EYS: variants seen among roughly 807,000 people sequenced by gnomAD.
EYS encodes protein eyes shut homolog.
In EYS, 250 loss-of-function variants were observed where a neutral mutation model predicts 282.1. The ratio of observed to expected loss-of-function variants is 0.89; its 90% confidence interval spans 0.80 to 0.98. The LOEUF is 0.98. Among genes scored for constraint, EYS ranks in the 50% least tolerant of loss-of-function variants. EYS has a pLI of 0.00. For synonymous variants in EYS, 1,355 were observed against 1,282.9 expected (o/e 1.06, Z -1.20); for missense variants, 4,016 against 3,709.0 (o/e 1.08, Z -2.15).
intron 28 of EYS, among the ~76,000 whole-genome samples, chr6:64,389,818 C>T (rs973608327): frequency 8.5e-5 from 13 of 152,108 alleles, no homozygotes; most frequent in Non-Finnish European, 1.2e-4. Context: ...CCAGCGTGAG[C>T]GACGCAGAAG....
intron 29 of EYS, among the ~76,000 whole-genome samples, chr6:64,342,234 A>G (rs111874213): frequency 6.6e-6 from 1 of 151,524 alleles, no homozygotes; most frequent in Non-Finnish European, 1.5e-5. Context: ...TGTTTTAAAA[A>G]TATAGTAATT....
chr6:64,177,077 AATT>A (rs1764659397), intron 31 of EYS, among the ~76,000 whole-genome samples: 1 of 151,684 alleles, frequency 6.6e-6, no homozygotes, highest in South Asian at 2.1e-4. Context: ...ATTTACTATA[AATT>A]ATTCATAATT....
chr6:64,844,094 C>G (rs1406791439), intron 19 of EYS, among the ~76,000 whole-genome samples: 1 of 152,046 alleles, frequency 6.6e-6, no homozygotes, highest in Non-Finnish European at 1.5e-5. Flanking sequence ...GAGGCCTTCC[C>G]AACCATGTGG....
chr6:64,119,857 C>T lies in EYS; in HGVS notation c.6425-37855G>A, dbSNP rs1055902956. Among the ~76,000 whole-genome samples, 8 of 152,148 alleles carry T rather than the reference C, an allele frequency of 5.3e-5. No individual in the cohort carries two copies. In the South Asian group the frequency reaches 8.3e-4, roughly 16 times the overall value. On this transcript the variant is annotated intron_variant, in intron 31 of 42. Coordinates refer to ENST00000503581, the MANE Select transcript of EYS (RefSeq NM_001142800.2). ...TTAAAGTGCACCTTATTTTCCATGGCATTTTCTTAGCCCTACTTTTTGGAT... is the reference window on the plus strand; with the variant it reads ...TTAAAGTGCACCTTATTTTCCATGGTATTTTCTTAGCCCTACTTTTTGGAT...
At chr6:64,305,779 A>T (rs1218460012) in intron 30 of EYS, among the ~76,000 whole-genome samples, 1 of 152,226 alleles carries the variant, frequency 6.6e-6, no homozygotes, top group African/African-American at 2.4e-5. Context: ...AGCTTTTAGT[A>T]GAAAACATAG....
intron 16 of EYS, among the ~76,000 whole-genome samples, chr6:64,907,843 A>T (rs141233910): frequency 9.2e-5 from 14 of 152,278 alleles, no homozygotes; most frequent in South Asian, 4.1e-4. Flanking sequence ...TAAAATAAAA[A>T]AAAAAGTCTG....
At chr6:65,253,675 G>T (rs1407939421) in intron 12 of EYS, among the ~76,000 whole-genome samples, 1 of 151,704 alleles carries the variant, frequency 6.6e-6, no homozygotes, top group African/African-American at 2.4e-5. Context: ...ATTCAGAAAG[G>T]TCTTCAAAAT....
At position 64,194,041 on chromosome 6, in the gene EYS, G is replaced by T. The variant is rs115586098; in HGVS notation, c.6424+36551C>A. On this transcript the variant is annotated intron_variant, in intron 31 of 42. Coordinates refer to ENST00000503581, the MANE Select transcript of EYS (RefSeq NM_001142800.2). ...AGTAATGGGATGGCTGGGTCAAATG[G>T]TATGGTATTTTTAGTAGAGACGGGG... Among the ~76,000 whole-genome samples, 385 of 152,062 alleles carry T rather than the reference G, an allele frequency of 2.5e-3. 1 individual carries two copies. Among genetic ancestry groups the T allele is most frequent in the African/African-American group, 8.8e-3 (367 of 41,472 alleles).
chr6:64,146,783 T>C (rs1249702373), intron 31 of EYS, among the ~76,000 whole-genome samples: 1 of 152,090 alleles, frequency 6.6e-6, no homozygotes, highest in African/African-American at 2.4e-5. Flanking sequence ...TAGAGAAACA[T>C]CTTTGAGGTG....
intron 24 of EYS, among the ~76,000 whole-genome samples, chr6:64,596,354 G>C (rs1766588106): frequency 6.6e-6 from 1 of 152,078 alleles, no homozygotes; most frequent in Non-Finnish European, 1.5e-5. Context: ...CAGAGAGATA[G>C]GAAAAACAAT....
intron 22 of EYS, among the ~76,000 whole-genome samples, chr6:64,724,132 G>A (rs1358538923): frequency 6.6e-6 from 1 of 152,028 alleles, no homozygotes; most frequent in South Asian, 2.1e-4. Flanking sequence ...CATATTTAGT[G>A]CTGATTTGAT....
At chr6:64,935,558 C>A (rs906480681) in intron 15 of EYS, among the ~76,000 whole-genome samples, 1 of 151,234 alleles carries the variant, frequency 6.6e-6, no homozygotes, top group Non-Finnish European at 1.5e-5. Context: ...AACTGAAAAA[C>A]CATTAACTAG....
chr6:65,347,427 A>G (rs1337924468), intron 9 of EYS, among the ~76,000 whole-genome samples: 1 of 151,716 alleles, frequency 6.6e-6, no homozygotes. Context: ...ATGTTTGTGC[A>G]GTGTTTCTTT....
intron 31 of EYS, among the ~76,000 whole-genome samples, chr6:64,206,240 C>T (rs915936390): frequency 2.0e-5 from 3 of 151,866 alleles, no homozygotes; most frequent in Non-Finnish European, 4.4e-5. Context: ...TGGTATAATT[C>T]TTCTTAAAAT....
chr6:65,100,906 G>A (rs968760702), intron 12 of EYS, among the ~76,000 whole-genome samples: 57 of 151,040 alleles, frequency 3.8e-4, no homozygotes, highest in Admixed American at 1.4e-3. Context: ...AGAATAAAAA[G>A]ATGAAATTAA....
chr6:63,914,710 C>A (rs1581970999), intron 35 of EYS, among the ~76,000 whole-genome samples: 1 of 105,754 alleles, frequency 9.5e-6, no homozygotes, highest in East Asian at 2.6e-4. Context: ...CCTGTCTCAA[C>A]CGTCTCAAAA....
In EYS at chr6:65,266,601, C is replaced by T. The variant is rs150915379; in HGVS notation, c.2023+29262G>A. 3.2e-3 allele frequency among the ~76,000 whole-genome samples: 493 copies of T among 151,760 alleles called. 1 individual carries two copies. The highest frequency in any genetic ancestry group is 0.011 in the African/African-American group (474 of 41,468). ...AAGCCTTTTGATGTGCTGCAGGATT[C>T]GGTTTGCCAGTATTTTATTGAGGAT... On this transcript the variant is annotated intron_variant, in intron 12 of 42. Transcript: ENST00000503581.
chr6:65,561,070 C>A (rs377103214), intron 2 of EYS, among the ~76,000 whole-genome samples: 6 of 152,002 alleles, frequency 3.9e-5, no homozygotes, highest in African/African-American at 1.4e-4. Context: ...CTGTATCTTG[C>A]GGACAATACT....
intron 26 of EYS, among the ~76,000 whole-genome samples, chr6:64,562,153 G>T (rs73455437): frequency 1.3e-3 from 199 of 151,668 alleles, no homozygotes; most frequent in African/African-American, 4.6e-3. Flanking sequence ...TTTATTAGCA[G>T]AATTCTATTC....
Sources: gnomAD v4.1 joint callset for allele counts (sites outside exome capture counted in the v4.1 genomes callset) on GRCh38, gnomAD v4.1.1 for gene constraint, MANE v1.5 for transcripts, NCBI Gene and HGNC (gene_info 2026-07-23, HGNC 2026-07-21) for gene names.